CAMK2B: variants seen among roughly 807,000 people sequenced by gnomAD.
CAMK2B encodes the protein calcium/calmodulin-dependent protein kinase type II subunit beta.
CAMK2B carries 27 observed loss-of-function variants against 93.7 expected under a neutral mutation model. That is an observed-to-expected ratio of 0.29 (90% CI 0.21 to 0.40). The LOEUF is 0.40. Ranked by LOEUF, CAMK2B falls within the 10% of genes least tolerant of loss-of-function variation. The probability of loss-of-function intolerance (pLI) is 1.00; values close to 1 mark genes in which losing one functional copy is unlikely to be tolerated. For missense variants in CAMK2B, 568 were observed against 895.8 expected (o/e 0.63, Z 4.67); for synonymous variants, 374 against 358.8 (o/e 1.04, Z -0.48).
chr7:44,316,494 C>A (rs1794855996), intron 1 of CAMK2B, among the ~76,000 whole-genome samples: 1 of 152,044 alleles, frequency 6.6e-6, no homozygotes, highest in Non-Finnish European at 1.5e-5. Context: ...TTTGTGATAT[C>A]TTTGGTTTTG....
intron 1 of CAMK2B, among the ~76,000 whole-genome samples, chr7:44,297,879 T>C (rs182922029): frequency 3.0e-4 from 46 of 152,354 alleles, no homozygotes; most frequent in Non-Finnish European, 3.8e-4. Context: ...ATCCCAGCAC[T>C]TTGGGAGGCC....
intron 4 of CAMK2B, among the ~76,000 whole-genome samples, chr7:44,255,763 T>G (rs927977847): frequency 3.3e-5 from 5 of 152,178 alleles, no homozygotes; most frequent in African/African-American, 1.2e-4. Flanking sequence ...GTTGAACATG[T>G]GACCTTGGCA....
rs183951594 is a variant in CAMK2B at position 44,229,084 on chromosome 7, G to A, written c.1340-160C>T. On this transcript the variant is annotated intron_variant, in intron 18 of 23. Coordinates refer to ENST00000395749, the MANE Select transcript of CAMK2B (RefSeq NM_001220.5). Reference sequence around the variant, plus strand: ...TGCCTCAATAGCAGGGAGCCCCCCCGCCCGCAAGCTGAGGTGGAGTGAGGC... The same window carrying A: ...TGCCTCAATAGCAGGGAGCCCCCCCACCCGCAAGCTGAGGTGGAGTGAGGC... 246 of 750,016 alleles carry A rather than the reference G, an allele frequency of 3.3e-4. 1 individual carries two copies. Among genetic ancestry groups the A allele is most frequent in the African/African-American group, 3.2e-3 (183 of 57,754 alleles). 46.5% of individuals were successfully genotyped at this position (750,016 alleles called of 1,614,324 possible). A position where few individuals can be genotyped will look rare whatever the true frequency, so the allele number is the denominator to read the frequency against.
chr7:44,279,908 G>C (rs558154596), intron 2 of CAMK2B, among the ~76,000 whole-genome samples: 7 of 152,332 alleles, frequency 4.6e-5, no homozygotes, highest in African/African-American at 1.7e-4. Context: ...AACTTTTGGA[G>C]TGAACGAGCA....
intron 6 of CAMK2B, 55 bp from the exon 7 acceptor site, chr7:44,243,582 T>C (rs1462108256): frequency 1.4e-6 from 2 of 1,451,708 alleles, no homozygotes; most frequent in East Asian, 2.3e-5. Context: ...AGAGGTGTTA[T>C]GTGGGGTTGG....
intron 12 of CAMK2B, 125 bp downstream of exon 12, chr7:44,240,582 G>T: frequency 9.2e-7 from 1 of 1,082,636 alleles, no homozygotes; most frequent in Non-Finnish European, 1.4e-6. Flanking sequence ...CAGAGCTGAG[G>T]GCAGACGCCG....
rs2096547723 is a variant in CAMK2B at position 44,228,821 on chromosome 7, A to C, written c.1443T>G (p.Ala481=). ...ACGGGGAGGACAGGGGGCCTAGGAG[A>C]GCCGGAGACAGGCAGGGCGGGGGCC... The part of the protein sequence containing the change: ...SAGPPPCLSP[A]LLGPLSSPSP... The change falls in exon 19 of 24, where the codon GCT becomes GCG. Residue 481 remains alanine, a synonymous_variant. Transcript: ENST00000395749. The C allele has an allele frequency of 5.9e-6, 9 of 1,531,140 alleles. No individual in the cohort carries two copies. In the Admixed American group the frequency reaches 1.3e-4, roughly 23 times the overall value. The allele number at this position is 1,531,140 out of a possible 1,614,324, so 94.8% of individuals were successfully genotyped here. A position where few individuals can be genotyped will look rare whatever the true frequency, so the allele number is the denominator to read the frequency against.
chr7:44,264,530 G>A (rs922498575), intron 2 of CAMK2B, among the ~76,000 whole-genome samples: 10 of 152,170 alleles, frequency 6.6e-5, no homozygotes, highest in East Asian at 3.9e-4. Context: ...AAGCCCAGCC[G>A]CCTGGCATCC....
Position 44,285,813 on chromosome 7 carries a change from G to GC in CAMK2B, c.66-1589_66-1588insG, listed in dbSNP as rs1327180714. Among the ~76,000 whole-genome samples, 45 of 131,040 alleles carry GC rather than the reference G, an allele frequency of 3.4e-4. 1 individual carries two copies. Among genetic ancestry groups the GC allele is most frequent in the African/African-American group, 1.1e-3 (39 of 35,676 alleles). 86.0% of individuals were successfully genotyped at this position (131,040 alleles called of 152,430 possible). ...AGACCCAGCGGTGGGAGATGCGGCG[G>GC]GGGGGAGGCGCGGCGGAGGGGGCGC... On this transcript the variant is annotated intron_variant, in intron 1 of 23. Transcript: ENST00000395749.
chr7:44,275,093 G>C (rs910887403), intron 2 of CAMK2B, among the ~76,000 whole-genome samples: 1 of 152,178 alleles, frequency 6.6e-6, no homozygotes, highest in African/African-American at 2.4e-5. Flanking sequence ...TGGAAATGCG[G>C]AAGGACGCAA....
intron 1 of CAMK2B, among the ~76,000 whole-genome samples, chr7:44,290,118 A>G (rs1200949728): frequency 1.3e-5 from 2 of 152,202 alleles, no homozygotes; most frequent in Non-Finnish European, 2.9e-5. Flanking sequence ...CAGATTCCCA[A>G]CAACAGTGAC....
intron 6 of CAMK2B, chr7:44,245,005 T>A: frequency 6.6e-6 from 3 of 454,548 alleles, no homozygotes; most frequent in South Asian, 4.7e-5. Flanking sequence ...GGCCCCAAGC[T>A]CCCCGTGCAG....
chr7:44,304,639 A>T (rs1337555783), intron 1 of CAMK2B, among the ~76,000 whole-genome samples: 1 of 152,260 alleles, frequency 6.6e-6, no homozygotes, highest in Non-Finnish European at 1.5e-5. Flanking sequence ...ATTCTGGGGC[A>T]GGTGAAACTA....
intron 1 of CAMK2B, among the ~76,000 whole-genome samples, chr7:44,288,960 C>A (rs911613581): frequency 1.3e-5 from 2 of 152,150 alleles, no homozygotes; most frequent in African/African-American, 4.8e-5. Flanking sequence ...TGTGGGCTCT[C>A]GGGGCTTCAC....
chr7:44,273,225 C>T (rs76982728), intron 2 of CAMK2B, among the ~76,000 whole-genome samples: 9,464 of 152,212 alleles, frequency 0.062, 641 homozygotes, highest in East Asian at 0.33. Context: ...CACCTCACCT[C>T]GTTGTTACTC....
intron 13 of CAMK2B, among the ~76,000 whole-genome samples, chr7:44,237,263 A>C (rs2096634825): frequency 6.6e-6 from 1 of 152,240 alleles, no homozygotes; most frequent in African/African-American, 2.4e-5. Flanking sequence ...AGAGGGTTCT[A>C]TTTAGATCCT....
chr7:44,288,218 C>G (rs1037264057), intron 1 of CAMK2B, among the ~76,000 whole-genome samples: 18 of 152,250 alleles, frequency 1.2e-4, no homozygotes, highest in African/African-American at 4.3e-4. Context: ...TTAGGCTCCC[C>G]GCCTCTCCAC....
In CAMK2B at chr7:44,225,821, C is replaced by A; in HGVS notation, c.1597+695G>T. The A allele has an allele frequency of 7.8e-7, 1 of 1,289,462 alleles. No individual in the cohort carries two copies. Among genetic ancestry groups the A allele is most frequent in the Non-Finnish European group, 1.0e-6 (1 of 988,780 alleles). 79.9% of individuals were successfully genotyped at this position (1,289,462 alleles called of 1,614,324 possible). A position where few individuals can be genotyped will look rare whatever the true frequency, so the allele number is the denominator to read the frequency against. On this transcript the variant is annotated intron_variant, in intron 20 of 23. Coordinates refer to ENST00000395749, the MANE Select transcript of CAMK2B (RefSeq NM_001220.5). The surrounding 1 kb of genome is among the most constrained non-coding windows in gnomAD (Gnocchi z 5.0). ...CCAGCAGCCTCTTCTCTAAGAGTAT[C>A]TCCACACCACCCCCAGTCTGGTGTC...
intron 19 of CAMK2B, among the ~76,000 whole-genome samples, chr7:44,228,403 CCA>C (rs2096540781): frequency 6.6e-6 from 1 of 152,084 alleles, no homozygotes; most frequent in Non-Finnish European, 1.5e-5. Flanking sequence ...CTCCTGGGCA[CCA>C]TGGGCAGGGC....
Sources: allele counts gnomAD v4.1 joint callset (sites outside exome capture counted in the v4.1 genomes callset), GRCh38; gene constraint gnomAD v4.1.1; non-coding constraint Gnocchi (gnomAD v3.1); transcripts MANE v1.5; gene names NCBI Gene and HGNC (gene_info 2026-07-23, HGNC 2026-07-21).